Variants in TIMP2 observed in about 807,000 individuals in gnomAD.
TIMP2 encodes metalloproteinase inhibitor 2.
TIMP2 carries 5 observed loss-of-function variants against 24.3 expected under a neutral mutation model. That is an observed-to-expected ratio of 0.21 (90% CI 0.11 to 0.43). The LOEUF is 0.43. Ranked by LOEUF, TIMP2 falls within the 20% of genes least tolerant of loss-of-function variation. TIMP2 has a pLI of 1.00. For missense variants in TIMP2, 221 were observed against 297.5 expected, an observed-to-expected ratio of 0.74 and a Z score of 1.89; for synonymous variants, 130 against 123.2, an observed-to-expected ratio of 1.06 and a Z score of -0.37.
intron 1 of TIMP2, chr17:78,899,590 A>C (rs1178881326): frequency 6.6e-6 from 1 of 152,230 alleles, no homozygotes; most frequent in Non-Finnish European, 1.5e-5. Context: ...AGGCTTGAGA[A>C]CGGTCAAGCA....
chr17:78,890,241 A>C (rs1599158683), intron 1 of TIMP2, among the ~76,000 whole-genome samples: 1 of 145,888 alleles, frequency 6.9e-6, no homozygotes. Flanking sequence ...TCACTCTGTC[A>C]CCCAGGCTGG....
intron 1 of TIMP2, among the ~76,000 whole-genome samples, chr17:78,912,822 T>C (rs1464989434): frequency 3.3e-5 from 5 of 152,218 alleles, no homozygotes. Context: ...ATACAGTCCT[T>C]GATCACCGCC....
chr17:78,876,042 G>A (rs1234056462), intron 1 of TIMP2, among the ~76,000 whole-genome samples: 12 of 152,168 alleles, frequency 7.9e-5, no homozygotes, highest in African/African-American at 2.4e-4. Context: ...AATGTCTCCC[G>A]GCAGGCCACT....
intron 1 of TIMP2, among the ~76,000 whole-genome samples, chr17:78,910,344 C>A (rs1342296849): frequency 2.0e-5 from 3 of 152,070 alleles, no homozygotes; most frequent in Admixed American, 1.3e-4. Flanking sequence ...AGGTACACAC[C>A]ACCAGGCCTG....
At chr17:78,877,765 G>A (rs1463011755) in intron 1 of TIMP2, among the ~76,000 whole-genome samples, 2 of 149,880 alleles carry the variant, frequency 1.3e-5, no homozygotes, top group African/African-American at 2.5e-5. Flanking sequence ...GTGCAATGGT[G>A]CAATCTTGGC....
chr17:78,882,057 T>C (rs578180001), intron 1 of TIMP2, among the ~76,000 whole-genome samples: 80 of 152,342 alleles, frequency 5.3e-4, no homozygotes, highest in African/African-American at 1.9e-3. Context: ...CTCGGCCTCC[T>C]GGGTTCAAGC....
chr17:78,864,829 A>G (rs943926712), intron 3 of TIMP2, among the ~76,000 whole-genome samples: 1 of 152,120 alleles, frequency 6.6e-6, no homozygotes, highest in African/African-American at 2.4e-5. Flanking sequence ...AGGCAGGCGG[A>G]TCACCTGAGG....
chr17:78,864,091 C>T (rs1439944406), intron 3 of TIMP2, among the ~76,000 whole-genome samples: 1 of 152,056 alleles, frequency 6.6e-6, no homozygotes, highest in Non-Finnish European at 1.5e-5. Context: ...TTTTTCTCTT[C>T]TAAAACAGAG....
chr17:78,904,091 A>ATATATATGTGTGTGTGTGTGTGTG (rs1555651940), intron 1 of TIMP2: 1 of 127,868 alleles, frequency 7.8e-6, no homozygotes, highest in African/African-American at 3.3e-5. Flanking sequence ...CAGCTAATTT[A>ATATATATGTGTGTGTGTGTGTGTG]TGTGTGTGTG....
chr17:78,907,884 G>A (rs1401657118), intron 1 of TIMP2, among the ~76,000 whole-genome samples: 8 of 152,134 alleles, frequency 5.3e-5, no homozygotes, highest in Admixed American at 2.0e-4. Context: ...CTGTAGTCCC[G>A]GCACTCTGGG....
intron 1 of TIMP2, among the ~76,000 whole-genome samples, chr17:78,909,498 C>G (rs931799123): frequency 6.6e-6 from 1 of 150,750 alleles, no homozygotes; most frequent in African/African-American, 2.4e-5. Flanking sequence ...CTTTCTCCCT[C>G]ATGTCACGTC....
At chr17:78,901,824 CA>C (rs1341360287) in intron 1 of TIMP2, 1 of 715,148 alleles carries the variant, frequency 1.4e-6, no homozygotes, top group East Asian at 2.7e-5. Flanking sequence ...CCACCCAGAA[CA>C]CATTACAGGG....
Position 78,895,786 on chromosome 17 carries a change from G to A in TIMP2, c.131-21867C>T, listed in dbSNP as rs150308793. ...TCCAATTAGGTGTGGTGAGGTCGGG[G>A]CTGCTGTGAATGCCCCTCTGTGTGT... On this transcript the variant is annotated intron_variant, in intron 1 of 4. Coordinates refer to ENST00000262768, the MANE Select transcript of TIMP2 (RefSeq NM_003255.5). 7.6e-3 allele frequency among the ~76,000 whole-genome samples: 1,159 copies of A among 152,266 alleles called. 20 individuals are homozygous for A. Among genetic ancestry groups the A allele is most frequent in the African/African-American group, 0.026 (1,089 of 41,540 alleles).
chr17:78,884,975 A>G lies in TIMP2; in HGVS notation c.131-11056T>C, dbSNP rs138619885. Among the ~76,000 whole-genome samples the G allele has an allele frequency of 5.1e-3, 775 of 152,358 alleles. 7 individuals are homozygous for G. Among genetic ancestry groups the G allele is most frequent in the African/African-American group, 0.018 (729 of 41,582 alleles). Reference sequence around the variant, plus strand: ...AGGGTGGGGTCACATCCAAAGCCCAACTGGCCAGCAGGTTGGGGGGGAGCA... The same window carrying G: ...AGGGTGGGGTCACATCCAAAGCCCAGCTGGCCAGCAGGTTGGGGGGGAGCA... On this transcript the variant is annotated intron_variant, in intron 1 of 4. Coordinates refer to ENST00000262768, the MANE Select transcript of TIMP2 (RefSeq NM_003255.5).
chr17:78,882,663 C>T (rs982350354), intron 1 of TIMP2, among the ~76,000 whole-genome samples: 7 of 152,240 alleles, frequency 4.6e-5, no homozygotes, highest in African/African-American at 1.7e-4. Context: ...GCCACAAACG[C>T]CACCAGGGAT....
At chr17:78,903,441 T>C (rs2070126172) in intron 1 of TIMP2, 2 of 152,276 alleles carry the variant, frequency 1.3e-5, no homozygotes, top group Non-Finnish European at 2.9e-5. Flanking sequence ...GCAGAGGACA[T>C]CTTTTTGTCC....
intron 1 of TIMP2, among the ~76,000 whole-genome samples, chr17:78,875,981 T>C (rs1351180480): frequency 6.6e-6 from 1 of 152,174 alleles, no homozygotes; most frequent in African/African-American, 2.4e-5. Context: ...GGCCACAGGT[T>C]CCTGTTTCCC....
At chr17:78,914,772 A>C (rs906640061) in intron 1 of TIMP2, among the ~76,000 whole-genome samples, 12 of 151,812 alleles carry the variant, frequency 7.9e-5, no homozygotes, top group African/African-American at 2.7e-4. Flanking sequence ...TTTTATGTAG[A>C]GATGAGGTCT....
intron 1 of TIMP2, among the ~76,000 whole-genome samples, chr17:78,918,559 C>T (rs1382852474): frequency 6.6e-6 from 1 of 152,226 alleles, no homozygotes; most frequent in South Asian, 2.1e-4. Context: ...GCCTTCCCTC[C>T]TCCCAGCAAT....
Sources: allele counts gnomAD v4.1 joint callset (sites outside exome capture counted in the v4.1 genomes callset), GRCh38; gene constraint gnomAD v4.1.1; transcripts MANE v1.5; gene names NCBI Gene and HGNC (gene_info 2026-07-23, HGNC 2026-07-21).